The following B4GALT5 variants were observed in gnomAD, a reference collection of about 807,000 sequenced individuals.
B4GALT5 encodes UDP-Gal:beta-GlcNAc beta-1,4-galactosyltransferase 5.
Under a neutral mutation model 45.0 loss-of-function variants are expected in B4GALT5, and 11 were observed. The observed-to-expected ratio is 0.24, with a 90% CI of 0.15 to 0.40. The LOEUF (loss-of-function observed/expected upper bound fraction) is 0.40. Ranked by LOEUF, B4GALT5 falls within the 10% of genes least tolerant of loss-of-function variation. The pLI is 1.00. For synonymous variants in B4GALT5, 185 were observed against 182.9 expected (o/e 1.01, Z -0.09); for missense variants, 337 against 500.2 (o/e 0.67, Z 3.11).
Position 49,647,099 on chromosome 20 carries a change from A to G in B4GALT5, c.251-21T>C, listed in dbSNP as rs73910580. 2,416 of 1,525,156 alleles carry G rather than the reference A, an allele frequency of 1.6e-3. 37 individuals are homozygous for G. In the African/African-American group the frequency reaches 0.03, roughly 19 times the overall value. The allele number at this position is 1,525,156 out of a possible 1,614,324, so 94.5% of individuals were successfully genotyped here. ...ATAATCTAGGGAGGTAAAGGAAAAA[A>G]GTCGATCAGACTGGTATGTGTGATC... On this transcript the variant is annotated intron_variant, in intron 2 of 8. Coordinates refer to ENST00000371711, the MANE Select transcript of B4GALT5 (RefSeq NM_004776.4).
intron 8 of B4GALT5, among the ~76,000 whole-genome samples, chr20:49,636,879 A>C (rs1296077631): frequency 6.6e-6 from 1 of 150,530 alleles, no homozygotes; most frequent in East Asian, 1.9e-4. Flanking sequence ...GGTTGTCTAG[A>C]GCACAGTCTT....
At position 49,636,441 on chromosome 20, in the gene B4GALT5, C is replaced by A; in HGVS notation, c.1038G>T (p.Lys346Asn). ...QFLGRYALLRKSKERQGLDGL... is the reference protein window; with the variant it reads ...QFLGRYALLRNSKERQGLDGL... Reference sequence around the variant, plus strand: ...CATCCAGCCCTTGCCGTTCTTTTGACTTCCTCAGCAGAGCATACCTGTTTA... The same window carrying A: ...CATCCAGCCCTTGCCGTTCTTTTGAATTCCTCAGCAGAGCATACCTGTTTA... Residue 346 changes from lysine to asparagine, a missense_variant, in exon 9 of 9, where the codon AAG becomes AAT. Physicochemically the swap from Lys to Asn is moderately conservative, Grantham distance 94 (BLOSUM62 0). Around this residue, in one of 2 missense-constraint regions of B4GALT5, gnomAD observed 163 missense variants for 292.8 expected, o/e 0.56. Transcript: ENST00000371711. 1 of 1,614,208 alleles carries A rather than the reference C, an allele frequency of 6.2e-7. No individual in the cohort carries two copies. The highest frequency in any genetic ancestry group is 8.5e-7 in the Non-Finnish European group (1 of 1,180,040).
chr20:49,681,882 G>A (rs2085765465), intron 1 of B4GALT5, among the ~76,000 whole-genome samples: 1 of 152,202 alleles, frequency 6.6e-6, no homozygotes, highest in African/African-American at 2.4e-5. Context: ...AAGGGCTTGA[G>A]CTCAAGAGTT....
At chr20:49,672,032 C>T (rs569946412) in intron 1 of B4GALT5, among the ~76,000 whole-genome samples, 1 of 152,144 alleles carries the variant, frequency 6.6e-6, no homozygotes, top group South Asian at 2.1e-4. Flanking sequence ...TCATAATGAT[C>T]CTAAAGCTCT....
intron 2 of B4GALT5, among the ~76,000 whole-genome samples, chr20:49,648,296 T>C (rs1007895450): frequency 3.9e-5 from 6 of 152,202 alleles, no homozygotes; most frequent in Non-Finnish European, 5.9e-5. Flanking sequence ...GTAATCCCCA[T>C]CTTTTCAAAT....
chr20:49,663,683 A>AAAG (rs201672491), intron 1 of B4GALT5, among the ~76,000 whole-genome samples: 1,479 of 75,900 alleles, frequency 0.019, 183 homozygotes, highest in African/African-American at 0.027. Context: ...AAGAAAAAAA[A>AAAG]AAAAAAAATA....
chr20:49,713,536 C>G, intron 1 of B4GALT5, 40 bp downstream of exon 1: 3 of 1,541,200 alleles, frequency 1.9e-6, no homozygotes, highest in Non-Finnish European at 2.6e-6. Context: ...TCCCTCAAGG[C>G]CAGAGCGGCA....
intron 1 of B4GALT5, among the ~76,000 whole-genome samples, chr20:49,697,867 T>C (rs912943981): frequency 2.0e-5 from 3 of 152,212 alleles, no homozygotes; most frequent in African/African-American, 7.2e-5. Context: ...TAATGTTATA[T>C]TCAGGACAGT....
At chr20:49,656,513 T>C (rs999887175) in intron 2 of B4GALT5, 55 bp downstream of exon 2, 53 of 1,593,768 alleles carry the variant, frequency 3.3e-5, no homozygotes, top group Non-Finnish European at 4.4e-5. Flanking sequence ...CAACCGAATT[T>C]ACCTCTCTTG....
chr20:49,654,879 G>A (rs528647064), intron 2 of B4GALT5, among the ~76,000 whole-genome samples: 60 of 152,162 alleles, frequency 3.9e-4, no homozygotes, highest in Non-Finnish European at 7.2e-4. Context: ...GGCCAAGGCA[G>A]GTGGATCGCT....
Position 49,660,640 on chromosome 20 carries a change from G to A in B4GALT5, c.116-3938C>T, listed in dbSNP as rs1850508566. ...TGCCCTTCTCCTGTGCAATGCTCAT[G>A]TAGTTGGTTATACAAATCAAACTGT... On this transcript the variant is annotated intron_variant, in intron 1 of 8. Coordinates refer to ENST00000371711, the MANE Select transcript of B4GALT5 (RefSeq NM_004776.4). Among the ~76,000 whole-genome samples, 3 of 152,258 alleles carry A rather than the reference G, an allele frequency of 2.0e-5. No individual in the cohort carries two copies. In the South Asian group the frequency reaches 6.2e-4, roughly 32 times the overall value.
intron 2 of B4GALT5, among the ~76,000 whole-genome samples, chr20:49,655,252 G>A (rs576817463): frequency 7.4e-4 from 113 of 152,086 alleles, no homozygotes; most frequent in African/African-American, 2.4e-3. Context: ...CCAACATGGC[G>A]AAACCCCGTC....
chr20:49,700,722 C>T (rs1403305580), intron 1 of B4GALT5, among the ~76,000 whole-genome samples: 2 of 152,174 alleles, frequency 1.3e-5, no homozygotes, highest in South Asian at 2.1e-4. Context: ...GTGTATACAG[C>T]GTGGGTATGC....
intron 1 of B4GALT5, among the ~76,000 whole-genome samples, chr20:49,665,196 T>C (rs1317738941): frequency 6.6e-6 from 1 of 151,906 alleles, no homozygotes; most frequent in South Asian, 2.1e-4. Flanking sequence ...AGCAGGAGGA[T>C]CACTTGAGGC....
At chr20:49,689,658 T>C (rs1318588096) in intron 1 of B4GALT5, among the ~76,000 whole-genome samples, 2 of 152,208 alleles carry the variant, frequency 1.3e-5, no homozygotes, top group Non-Finnish European at 2.9e-5. Flanking sequence ...GTATACTTCC[T>C]GCTAAACACT....
At chr20:49,689,487 T>C (rs1039519099) in intron 1 of B4GALT5, among the ~76,000 whole-genome samples, 2 of 152,224 alleles carry the variant, frequency 1.3e-5, no homozygotes, top group African/African-American at 2.4e-5. Context: ...TTTAAACCGT[T>C]TTATTATGAA....
intron 1 of B4GALT5, among the ~76,000 whole-genome samples, chr20:49,657,945 C>T (rs2085649986): frequency 6.6e-6 from 1 of 152,034 alleles, no homozygotes; most frequent in African/African-American, 2.4e-5. Flanking sequence ...TGTCAAAAAC[C>T]CCACGTGGCC....
chr20:49,689,063 AAGG>A (rs764277901), intron 1 of B4GALT5, among the ~76,000 whole-genome samples: 49 of 152,276 alleles, frequency 3.2e-4, no homozygotes, highest in Admixed American at 7.2e-4. Context: ...GAGGAGAAGG[AAGG>A]AGAATAGAAA....
chr20:49,641,969 T>C (rs1429080191), intron 5 of B4GALT5, among the ~76,000 whole-genome samples: 2 of 151,930 alleles, frequency 1.3e-5, no homozygotes, highest in African/African-American at 2.4e-5. Flanking sequence ...GAATTTGCCA[T>C]GCGGTCTTCT....
Sources: allele counts gnomAD v4.1 joint callset (sites outside exome capture counted in the v4.1 genomes callset), GRCh38; gene constraint gnomAD v4.1.1; regional missense constraint gnomAD v4.1.1; transcripts MANE v1.5; gene names NCBI Gene and HGNC (gene_info 2026-07-23, HGNC 2026-07-21).